Variants in SNTB1 observed in about 807,000 individuals in gnomAD.
SNTB1 encodes syntrophin beta 1.
In SNTB1, 36 loss-of-function variants were observed where a neutral mutation model predicts 48.9. That is an observed-to-expected ratio of 0.74 (90% confidence interval 0.56 to 0.97). The LOEUF (loss-of-function observed/expected upper bound fraction) is 0.97, where lower values mean the gene tolerates loss of function less well. Ranked by LOEUF, SNTB1 falls within the 50% of genes least tolerant of loss-of-function variation. SNTB1 has a pLI of 0.00. For synonymous variants in SNTB1, 299 were observed against 294.6 expected, an observed-to-expected ratio of 1.01 and a Z score of -0.15; for missense variants, 786 against 703.4, an observed-to-expected ratio of 1.12 and a Z score of -1.33.
intron 1 of SNTB1, among the ~76,000 whole-genome samples, chr8:120,708,839 C>T (rs1269276917): frequency 6.6e-6 from 1 of 152,008 alleles, no homozygotes; most frequent in Admixed American, 6.6e-5. Context: ...AAAGACTATC[C>T]ACTAGAAATA....
At chr8:120,595,904 C>A (rs1467084970) in intron 3 of SNTB1, among the ~76,000 whole-genome samples, 1 of 152,158 alleles carries the variant, frequency 6.6e-6, no homozygotes, top group Non-Finnish European at 1.5e-5. Context: ...TATGGACTCA[C>A]CCTGAATTAT....
intron 1 of SNTB1, among the ~76,000 whole-genome samples, chr8:120,777,229 C>T (rs1341687630): frequency 6.6e-6 from 1 of 152,102 alleles, no homozygotes; most frequent in Non-Finnish European, 1.5e-5. Flanking sequence ...TAAATAGGGG[C>T]CTCAAAAGAC....
At chr8:120,773,551 G>A (rs1819677822) in intron 1 of SNTB1, among the ~76,000 whole-genome samples, 1 of 152,036 alleles carries the variant, frequency 6.6e-6, no homozygotes, top group African/African-American at 2.4e-5. Context: ...TAGCCCCTGA[G>A]GATACAAGTA....
At chr8:120,675,954 T>C (rs2129800747) in intron 2 of SNTB1, among the ~76,000 whole-genome samples, 1 of 152,364 alleles carries the variant, frequency 6.6e-6, no homozygotes, top group South Asian at 2.1e-4. Flanking sequence ...TACCTTGCTG[T>C]ACTACAGAGG....
intron 2 of SNTB1, among the ~76,000 whole-genome samples, chr8:120,644,262 C>A (rs1297912423): frequency 6.6e-6 from 1 of 151,136 alleles, no homozygotes; most frequent in African/African-American, 2.4e-5. Flanking sequence ...GCTGCACCCA[C>A]TAACTCGTCA....
At chr8:120,589,235 G>A (rs1363668673) in intron 3 of SNTB1, among the ~76,000 whole-genome samples, 1 of 152,172 alleles carries the variant, frequency 6.6e-6, no homozygotes. Flanking sequence ...TTTAGCCAGT[G>A]TCTACAATAC....
chr8:120,708,154 T>C (rs1371467950), intron 1 of SNTB1, among the ~76,000 whole-genome samples: 2 of 151,634 alleles, frequency 1.3e-5, no homozygotes, highest in Admixed American at 6.6e-5. Context: ...CTTTTGACAG[T>C]TTTATGGTAA....
At chr8:120,670,230 C>T (rs556101098) in intron 2 of SNTB1, among the ~76,000 whole-genome samples, 87 of 152,272 alleles carry the variant, frequency 5.7e-4, no homozygotes, top group African/African-American at 1.8e-3. Context: ...ATAAGCCATA[C>T]AATGTGGTTA....
chr8:120,566,522 C>T (rs962170885), intron 4 of SNTB1, among the ~76,000 whole-genome samples: 3 of 152,006 alleles, frequency 2.0e-5, no homozygotes, highest in East Asian at 1.9e-4. Context: ...GAGAACATTT[C>T]TATTATTTAT....
intron 2 of SNTB1, among the ~76,000 whole-genome samples, chr8:120,644,072 C>A (rs1367388771): frequency 6.6e-6 from 1 of 152,042 alleles, no homozygotes; most frequent in Non-Finnish European, 1.5e-5. Context: ...TGTAAAAAGC[C>A]TGTTAGCAAA....
At chr8:120,674,903 C>A (rs1408081200) in intron 2 of SNTB1, among the ~76,000 whole-genome samples, 1 of 152,122 alleles carries the variant, frequency 6.6e-6, no homozygotes, top group Admixed American at 6.5e-5. Context: ...AGGAATGTCA[C>A]AAACTTACAT....
At chr8:120,653,232 C>T (rs1222513530) in intron 2 of SNTB1, among the ~76,000 whole-genome samples, 1 of 152,142 alleles carries the variant, frequency 6.6e-6, no homozygotes, top group East Asian at 1.9e-4. Flanking sequence ...ATCCTTATCA[C>T]ATTATCTCAT....
chr8:120,770,878 C>T lies in SNTB1; in HGVS notation c.571+40395G>A, dbSNP rs1208290933. Among the ~76,000 whole-genome samples, 6 of 152,240 alleles carry T rather than the reference C, an allele frequency of 3.9e-5. No homozygotes were observed. In the East Asian group the frequency reaches 1.2e-3, roughly 29 times the overall value. On this transcript the variant is annotated intron_variant, in intron 1 of 6. Transcript: ENST00000517992. The stretch of plus-strand genomic sequence containing the variant: ...AACCATCTAATTTCAATGGTCTGTG[C>T]TTATTTTCTTATGCAGTTTATGTCT...
At chr8:120,727,257 C>G (rs1818772695) in intron 1 of SNTB1, among the ~76,000 whole-genome samples, 1 of 152,128 alleles carries the variant, frequency 6.6e-6, no homozygotes, top group Non-Finnish European at 1.5e-5. Flanking sequence ...CAGAACTGAG[C>G]TGAGGTGGTA....
chr8:120,670,396 CAGA>C (rs1817740107), intron 2 of SNTB1, among the ~76,000 whole-genome samples: 1 of 152,106 alleles, frequency 6.6e-6, no homozygotes, highest in African/African-American at 2.4e-5. Context: ...CAGGGTTTCT[CAGA>C]AGAACAATAT....
intron 1 of SNTB1, among the ~76,000 whole-genome samples, chr8:120,772,307 G>A (rs1397898956): frequency 1.3e-5 from 2 of 151,296 alleles, no homozygotes; most frequent in African/African-American, 2.4e-5. Flanking sequence ...GTGCAGTGGC[G>A]TGATCTCGGC....
intron 1 of SNTB1, among the ~76,000 whole-genome samples, chr8:120,785,717 C>A (rs1819913493): frequency 6.6e-6 from 1 of 152,084 alleles, no homozygotes; most frequent in Admixed American, 6.5e-5. Flanking sequence ...TGCCTGAGAC[C>A]CCAGAGTACC....
intron 2 of SNTB1, among the ~76,000 whole-genome samples, chr8:120,642,316 T>C (rs944466461): frequency 6.6e-6 from 1 of 152,198 alleles, no homozygotes; most frequent in African/African-American, 2.4e-5. Context: ...CCAAAAGTAT[T>C]CTTCAGATAT....
In SNTB1 at chr8:120,730,264, A is replaced by T. The variant is rs369188418; in HGVS notation, c.572-36356T>A. 9.6e-4 allele frequency among the ~76,000 whole-genome samples: 146 copies of T among 152,258 alleles called. 3 individuals carry two copies. In the South Asian group the frequency reaches 0.03, roughly 31 times the overall value. ...AACGTCAGCCTCCTGGGTTCAAGTG[A>T]TTCTTCTGTCTCAGCCTCCCGAGTA... is the stretch of plus-strand genomic sequence containing the variant. On this transcript the variant is annotated intron_variant, in intron 1 of 6. Coordinates refer to ENST00000517992, the MANE Select transcript of SNTB1 (RefSeq NM_021021.4).
Sources: allele counts gnomAD v4.1 joint callset (sites outside exome capture counted in the v4.1 genomes callset), GRCh38; gene constraint gnomAD v4.1.1; transcripts MANE v1.5; gene names NCBI Gene and HGNC (gene_info 2026-07-23, HGNC 2026-07-21).